TMEM177: variants seen among roughly 807,000 people sequenced by gnomAD.
The protein encoded by TMEM177 is transmembrane protein 177.
TMEM177 carries 4 observed loss-of-function variants against 14.2 expected under a neutral mutation model. That is an observed-to-expected ratio of 0.28 (90% CI 0.14 to 0.64). The LOEUF is 0.64. Among genes scored for constraint, TMEM177 ranks in the 30% least tolerant of loss-of-function variants. TMEM177 has a pLI of 0.82. For synonymous variants in TMEM177, 179 were observed against 174.5 expected (o/e 1.03, Z -0.20); for missense variants, 344 against 405.2 (o/e 0.85, Z 1.30).
At chr2:119,680,486 A>G (rs1462643551) in intron 1 of TMEM177, among the ~76,000 whole-genome samples, 1 of 152,194 alleles carries the variant, frequency 6.6e-6, no homozygotes, top group Admixed American at 6.5e-5. Context: ...GGAATGAGGC[A>G]GTTGGAGTGC....
chr2:119,687,038 C>T (rs920719109), downstream of TMEM177, among the ~76,000 whole-genome samples: 1 of 152,240 alleles, frequency 6.6e-6, no homozygotes, highest in Non-Finnish European at 1.5e-5. Context: ...CCCCTTGCTC[C>T]TCTTGGTTCT....
At chr2:119,718,013 G>A in the TMEM177 span, among the ~76,000 whole-genome samples, 3 of 152,214 alleles carry the variant, frequency 2.0e-5, no homozygotes, top group South Asian at 2.1e-4. Context: ...GAGCTGGTTC[G>A]TTCTGCTCTC....
the TMEM177 span, among the ~76,000 whole-genome samples, chr2:119,706,033 A>T: frequency 2.6e-3 from 129 of 49,244 alleles, no homozygotes; most frequent in African/African-American, 7.6e-3. Context: ...ATATATATAT[A>T]TATTTTTTTG....
chr2:119,708,421 G>A, the TMEM177 span, among the ~76,000 whole-genome samples: 80 of 152,138 alleles, frequency 5.3e-4, no homozygotes, highest in Non-Finnish European at 5.3e-4. Context: ...GTTCACACCC[G>A]TGTTCACAAA....
chr2:119,713,429 A>T, the TMEM177 span, among the ~76,000 whole-genome samples: 1 of 152,132 alleles, frequency 6.6e-6, no homozygotes, highest in East Asian at 1.9e-4. Context: ...TAGATAATAA[A>T]GGTGACTTGT....
At chr2:119,701,305 A>T in the TMEM177 span, among the ~76,000 whole-genome samples, 1 of 152,246 alleles carries the variant, frequency 6.6e-6, no homozygotes, top group Admixed American at 6.5e-5. Context: ...AGGAGAAAAC[A>T]ACAGGAGCAA....
chr2:119,722,574 C>T, the TMEM177 span, among the ~76,000 whole-genome samples: 1 of 152,192 alleles, frequency 6.6e-6, no homozygotes, highest in Admixed American at 6.5e-5. Context: ...GTAACAGTGT[C>T]TACTTGATGT....
the TMEM177 span, among the ~76,000 whole-genome samples, chr2:119,693,795 G>T: frequency 1.6e-5 from 2 of 123,506 alleles, no homozygotes; most frequent in Non-Finnish European, 3.5e-5. Context: ...AGTCACAGAA[G>T]ACACACATAC....
downstream of TMEM177, among the ~76,000 whole-genome samples, chr2:119,691,209 C>G (rs1689089281): frequency 6.6e-6 from 1 of 152,216 alleles, no homozygotes; most frequent in African/African-American, 2.4e-5. Flanking sequence ...GATCCCGGCT[C>G]TGCAACTCAC....
chr2:119,697,637 C>T, the TMEM177 span, among the ~76,000 whole-genome samples: 2 of 152,170 alleles, frequency 1.3e-5, no homozygotes, highest in Non-Finnish European at 2.9e-5. Flanking sequence ...TGCAGGCCCC[C>T]CTTCCCAGAA....
downstream of TMEM177, among the ~76,000 whole-genome samples, chr2:119,682,487 G>A (rs1421891163): frequency 6.6e-6 from 1 of 152,186 alleles, no homozygotes; most frequent in Admixed American, 6.5e-5. Context: ...GGTCCTGAGA[G>A]GCTGTTTTAA....
the TMEM177 span, among the ~76,000 whole-genome samples, chr2:119,710,515 C>T: frequency 6.6e-6 from 1 of 152,210 alleles, no homozygotes; most frequent in African/African-American, 2.4e-5. Flanking sequence ...GAGCCCACCC[C>T]AGACAGAGGG....
the TMEM177 span, among the ~76,000 whole-genome samples, chr2:119,702,395 T>A: frequency 6.6e-6 from 1 of 152,238 alleles, no homozygotes; most frequent in Non-Finnish European, 1.5e-5. Context: ...TGCTGGCTGC[T>A]GGCTGCTGCC....
chr2:119,698,413 C>T, the TMEM177 span, among the ~76,000 whole-genome samples: 4 of 152,208 alleles, frequency 2.6e-5, no homozygotes, highest in East Asian at 1.9e-4. Flanking sequence ...CTCAGCACAC[C>T]GAAGCACCAT....
At position 119,681,303 on chromosome 2, in the gene TMEM177, G is replaced by A. The variant is rs1221072778; in HGVS notation, c.450G>A (p.Gln150=). The change falls in exon 2 of 2, where the codon CAG becomes CAA. Residue 150 remains glutamine (Q), a synonymous_variant. Transcript: ENST00000272521. ...CCCTGACCTTGTCCCGTGAAGCCCA[G>A]AAGTTCGCCTTGGCCAGGGAAGTGG... ...RASLTLSREA[Q]KFALAREVVY... 6.2e-6 allele frequency: 10 copies of A among 1,614,128 alleles called. No individual in the cohort carries two copies. Among genetic ancestry groups the A allele is most frequent in the Non-Finnish European group, 6.8e-6 (8 of 1,180,054 alleles).
At chr2:119,708,327 C>T in the TMEM177 span, among the ~76,000 whole-genome samples, 3 of 152,164 alleles carry the variant, frequency 2.0e-5, no homozygotes, top group Non-Finnish European at 4.4e-5. Context: ...AAAAAAATCT[C>T]AGGCATCATA....
chr2:119,681,115 T>C lies in TMEM177; in HGVS notation c.262T>C (p.Phe88Leu), dbSNP rs777967697. The C allele has an allele frequency of 1.2e-5, 19 of 1,614,108 alleles. No homozygotes were observed. The Admixed American group carries it at 3.2e-4, about 27-fold the overall frequency. ...HCYKPFTTFTFQPVSAGFPRL... is the reference protein window; with the variant it reads ...HCYKPFTTFTLQPVSAGFPRL... ...CTACAAGCCCTTCACCACCTTCACC[T>C]TCCAACCTGTGAGTGCAGGCTTCCC... The change falls in exon 2 of 2, where the codon TTC becomes CTC. Residue 88 changes from phenylalanine (F) to leucine (L), a missense_variant. Physicochemically the swap from Phe to Leu is conservative, Grantham distance 22. Transcript: ENST00000272521.
At chr2:119,707,288 A>G in the TMEM177 span, among the ~76,000 whole-genome samples, 2 of 152,184 alleles carry the variant, frequency 1.3e-5, no homozygotes, top group African/African-American at 4.8e-5. Flanking sequence ...AGTAACCCCA[A>G]GAGCACTGGG....
At chr2:119,699,286 T>C in the TMEM177 span, among the ~76,000 whole-genome samples, 1 of 152,104 alleles carries the variant, frequency 6.6e-6, no homozygotes, top group Admixed American at 6.5e-5. Flanking sequence ...AAGTGCCAAG[T>C]GAAGGGGGAA....
Sources: gnomAD v4.1 joint callset for allele counts (sites outside exome capture counted in the v4.1 genomes callset) on GRCh38, gnomAD v4.1.1 for gene constraint, MANE v1.5 for transcripts, NCBI Gene and HGNC (gene_info 2026-07-23, HGNC 2026-07-21) for gene names.